The following RSU1 variants were observed in gnomAD, a reference collection of about 807,000 sequenced individuals.
RSU1 encodes Ras suppressor protein 1, also known as rsu-1.
A neutral mutation model predicts 31.1 loss-of-function variants in RSU1; 26 were observed. That is an observed-to-expected ratio of 0.84 (90% CI 0.61 to 1.16). The LOEUF is 1.16. Ranked by LOEUF, RSU1 falls within the 50% of genes most tolerant of loss-of-function variation. RSU1 has a pLI of 0.00. For missense variants in RSU1, 320 were observed against 339.1 expected (o/e 0.94, Z 0.44); for synonymous variants, 164 against 136.3 (o/e 1.20, Z -1.41).
intron 7 of RSU1, among the ~76,000 whole-genome samples, chr10:16,731,662 G>C (rs993087064): frequency 1.3e-5 from 2 of 152,092 alleles, no homozygotes; most frequent in African/African-American, 4.8e-5. Context: ...CTATCACTTT[G>C]CATTATCATT....
intron 7 of RSU1, among the ~76,000 whole-genome samples, chr10:16,711,111 CTTTAA>C (rs1228059915): frequency 6.6e-6 from 1 of 152,112 alleles, no homozygotes; most frequent in Non-Finnish European, 1.5e-5. Context: ...CTGTTCAGAT[CTTTAA>C]TTTCTTTATA....
chr10:16,791,573 G>A (rs1837914185), intron 2 of RSU1, among the ~76,000 whole-genome samples: 1 of 148,266 alleles, frequency 6.7e-6, no homozygotes, highest in Admixed American at 6.8e-5. Flanking sequence ...AGGTTGCAGT[G>A]ACCGACATCA....
intron 2 of RSU1, among the ~76,000 whole-genome samples, chr10:16,812,474 A>T (rs1173190752): frequency 2.0e-5 from 3 of 152,082 alleles, no homozygotes; most frequent in African/African-American, 7.2e-5. Flanking sequence ...AAAACAAAAA[A>T]ATGATTTTAA....
chr10:16,603,238 G>A (rs908240117), intron 8 of RSU1, among the ~76,000 whole-genome samples: 1 of 152,120 alleles, frequency 6.6e-6, no homozygotes, highest in Admixed American at 6.5e-5. Flanking sequence ...GCTTAAGACA[G>A]ATAGCAAGCT....
Position 16,646,032 on chromosome 10 carries a change from GTGTATATACATATATGTGTATATATA to G in RSU1, c.731+48965_731+48990del, listed in dbSNP as rs1554762810. 2.8e-4 allele frequency among the ~76,000 whole-genome samples: 17 copies of G among 60,390 alleles called. 3 individuals carry two copies. Among genetic ancestry groups the G allele is most frequent in the African/African-American group, 1.3e-3 (17 of 12,980 alleles). 39.6% of individuals were successfully genotyped at this position (60,390 alleles called of 152,430 possible). ...TATATACATATATGTGTATATATAT[GTGTATATACATATATGTGTATATATA>G]TATACACACACACACACACACACAC... is the stretch of plus-strand genomic sequence containing the variant. On this transcript the variant is annotated intron_variant, in intron 8 of 8. Transcript: ENST00000345264.
rs117543066 is a variant in RSU1 at position 16,706,901 on chromosome 10, T to C, written c.599-11746A>G. Among the ~76,000 whole-genome samples the C allele has an allele frequency of 5.5e-3, 836 of 152,220 alleles. 3 individuals are homozygous for C. The highest frequency in any genetic ancestry group is 0.037 in the Middle Eastern group (11 of 294). On this transcript the variant is annotated intron_variant, in intron 7 of 8. Coordinates refer to ENST00000345264, the MANE Select transcript of RSU1 (RefSeq NM_012425.4). ...TTCCATCTCTTCCCGCCCCTCCCAG[T>C]CTCTGGTAACCACTATTCTACTTCC...
At chr10:16,770,789 C>T (rs907071290) in intron 3 of RSU1, among the ~76,000 whole-genome samples, 5 of 152,180 alleles carry the variant, frequency 3.3e-5, no homozygotes, top group Admixed American at 6.5e-5. Flanking sequence ...GCGGCATGTC[C>T]GCCCTTGTGC....
chr10:16,755,080 G>GT (rs756359767), intron 4 of RSU1, 91 bp from the exon 5 acceptor site: 123 of 704,576 alleles, frequency 1.7e-4, no homozygotes, highest in Non-Finnish European at 2.2e-4. Context: ...CGCTGAAAGT[G>GT]TAAGACAGTG....
chr10:16,730,651 G>A (rs1416322620), intron 7 of RSU1, among the ~76,000 whole-genome samples: 4 of 152,124 alleles, frequency 2.6e-5, no homozygotes, highest in Non-Finnish European at 5.9e-5. Flanking sequence ...AAGGTTACTT[G>A]ATATAATCTA....
chr10:16,805,782 G>A (rs1264805988), intron 2 of RSU1, among the ~76,000 whole-genome samples: 2 of 151,240 alleles, frequency 1.3e-5, no homozygotes, highest in East Asian at 1.9e-4. Flanking sequence ...TGTTAATTGC[G>A]TGTCAGGTAC....
intron 8 of RSU1, among the ~76,000 whole-genome samples, chr10:16,694,127 A>T (rs899033935): frequency 6.6e-6 from 1 of 152,190 alleles, no homozygotes; most frequent in Non-Finnish European, 1.5e-5. Context: ...ACCTTGACAC[A>T]TGGAGGAAGA....
At chr10:16,708,183 T>A (rs924901826) in intron 7 of RSU1, among the ~76,000 whole-genome samples, 2 of 152,206 alleles carry the variant, frequency 1.3e-5, no homozygotes, top group Non-Finnish European at 2.9e-5. Flanking sequence ...TAGCCTACTA[T>A]TGATCAGAAA....
chr10:16,702,707 G>A (rs570009186), intron 7 of RSU1, among the ~76,000 whole-genome samples: 54 of 152,270 alleles, frequency 3.5e-4, no homozygotes, highest in African/African-American at 1.3e-3. Flanking sequence ...TTATTTTATA[G>A]GTTCACAGGT....
At chr10:16,626,391 T>A (rs1457744155) in intron 8 of RSU1, among the ~76,000 whole-genome samples, 2 of 151,830 alleles carry the variant, frequency 1.3e-5, no homozygotes, top group African/African-American at 4.8e-5. Context: ...ATTCTCCCTA[T>A]GTTGCCCAGG....
At chr10:16,645,021 A>G (rs968648524) in intron 8 of RSU1, among the ~76,000 whole-genome samples, 3 of 152,198 alleles carry the variant, frequency 2.0e-5, no homozygotes, top group Non-Finnish European at 4.4e-5. Flanking sequence ...GCTTCCTCAT[A>G]TATCTTAAAG....
intron 8 of RSU1, among the ~76,000 whole-genome samples, chr10:16,615,132 A>G (rs1833953697): frequency 6.6e-6 from 1 of 152,176 alleles, no homozygotes. Context: ...TGTATTCAGG[A>G]GACCCATCTC....
chr10:16,778,170 GT>G (rs1002172572), intron 3 of RSU1, among the ~76,000 whole-genome samples: 5 of 151,632 alleles, frequency 3.3e-5, no homozygotes, highest in Non-Finnish European at 4.4e-5. Context: ...CCTGGCTCAT[GT>G]TTTTTTTAAG....
intron 7 of RSU1, among the ~76,000 whole-genome samples, chr10:16,702,925 G>A (rs189603241): frequency 4.4e-4 from 67 of 152,316 alleles, no homozygotes; most frequent in Admixed American, 1.9e-3. Flanking sequence ...CCTCAATGTC[G>A]GAGGGAGGCC....
At chr10:16,787,689 C>T (rs543177866) in intron 2 of RSU1, among the ~76,000 whole-genome samples, 44 of 152,340 alleles carry the variant, frequency 2.9e-4, no homozygotes, top group Non-Finnish European at 6.2e-4. Context: ...CCTGCACACG[C>T]TCTCTTACCT....
Sources: allele counts gnomAD v4.1 joint callset (sites outside exome capture counted in the v4.1 genomes callset), GRCh38; gene constraint gnomAD v4.1.1; transcripts MANE v1.5; gene names NCBI Gene and HGNC (gene_info 2026-07-23, HGNC 2026-07-21).